Variants in CNOT2 observed in about 807,000 individuals in gnomAD.
CNOT2 encodes CC chemokine receptor 4-negative regulator of transcription 2.
A neutral mutation model predicts 72.1 loss-of-function variants in CNOT2; 7 were observed. The observed-to-expected ratio is 0.10, with a 90% CI of 0.06 to 0.18. The LOEUF is 0.18. Ranked by LOEUF, CNOT2 falls within the 10% of genes least tolerant of loss-of-function variation. The pLI is 1.00. For synonymous variants in CNOT2, 196 were observed against 225.6 expected, an observed-to-expected ratio of 0.87 and a Z score of 1.17; for missense variants, 345 against 660.3, an observed-to-expected ratio of 0.52 and a Z score of 5.23.
At chr12:70,290,985 C>T (rs1394229252) in intron 2 of CNOT2, among the ~76,000 whole-genome samples, 1 of 152,132 alleles carries the variant, frequency 6.6e-6, no homozygotes, top group Non-Finnish European at 1.5e-5. Context: ...GACCATTTCT[C>T]AGCATTTAAG....
Position 70,246,295 on chromosome 12 carries a change from T to C in CNOT2, c.-96+2815T>C, listed in dbSNP as rs1184179459. On this transcript the variant is annotated intron_variant, in intron 1 of 15. Transcript: ENST00000229195. ...TTGAAGGCAAACTAACAATGCCATG[T>C]GCTTGCTTGAATAGGCATTTGAGGA... Among the ~76,000 whole-genome samples the C allele has an allele frequency of 2.0e-5, 3 of 152,302 alleles. No homozygotes were observed. The East Asian group carries it at 5.8e-4, about 29-fold the overall frequency.
At chr12:70,288,420 G>C (rs893185099) in intron 2 of CNOT2, among the ~76,000 whole-genome samples, 1 of 152,038 alleles carries the variant, frequency 6.6e-6, no homozygotes, top group Non-Finnish European at 1.5e-5. Context: ...ACAGTGCTGG[G>C]ATTACAGGCA....
At chr12:70,272,170 T>A (rs1959323864) in intron 1 of CNOT2, among the ~76,000 whole-genome samples, 1 of 152,238 alleles carries the variant, frequency 6.6e-6, no homozygotes, top group Non-Finnish European at 1.5e-5. Context: ...TTTCTTGTGC[T>A]TCATTTATTC....
chr12:70,334,036 T>C (rs1402825391), intron 7 of CNOT2, among the ~76,000 whole-genome samples: 2 of 152,024 alleles, frequency 1.3e-5, no homozygotes, highest in African/African-American at 2.4e-5. Flanking sequence ...GCATATTTTA[T>C]GCTAGGAAAA....
chr12:70,280,011 G>A (rs888335437), intron 2 of CNOT2, among the ~76,000 whole-genome samples: 3 of 152,042 alleles, frequency 2.0e-5, no homozygotes, highest in African/African-American at 4.8e-5. Flanking sequence ...ATAATTGTAC[G>A]TATTTATGGG....
rs779079258 is a variant in CNOT2 at position 70,329,516 on chromosome 12, C to T, written c.332C>T (p.Thr111Met). The change falls in exon 5 of 16, where the codon ACG becomes ATG. Residue 111 changes from threonine to methionine, a missense_variant. By Grantham distance (81) the Thr-to-Met change is moderately conservative. Transcript: ENST00000229195. ...GGCACTCAGTTACCGAGCCACGTCA[C>T]GCCAACAACAGGGGTACCAACAATG... ...SQGTQLPSHV[T>M]PTTGVPTMSL... 5.0e-6 allele frequency: 8 copies of T among 1,611,048 alleles called. No homozygotes were observed. The highest frequency in any genetic ancestry group is 5.9e-6 in the Non-Finnish European group (7 of 1,177,674).
chr12:70,250,579 CTT>C (rs772118368), intron 1 of CNOT2, among the ~76,000 whole-genome samples: 188 of 151,722 alleles, frequency 1.2e-3, no homozygotes, highest in Non-Finnish European at 3.2e-4. Context: ...GTAATGGTAA[CTT>C]AGGAAAAAAT....
In CNOT2 at chr12:70,342,314, G is replaced by A. The variant is rs1010754210; in HGVS notation, c.1290+7G>A. ...CATTCACATTAGGGATAAGGTGAGT[G>A]TAGTTTATTATTCTACTCAGTCAGC... On this transcript the variant is annotated splice_region_variant and intron_variant, in intron 13 of 15. Transcript: ENST00000229195. 40 of 1,612,614 alleles carry A rather than the reference G, an allele frequency of 2.5e-5. No homozygotes were observed. Among genetic ancestry groups the A allele is most frequent in the Non-Finnish European group, 3.0e-5 (35 of 1,179,478 alleles).
chr12:70,301,414 A>G (rs1254584232), intron 2 of CNOT2, among the ~76,000 whole-genome samples: 2 of 152,172 alleles, frequency 1.3e-5, no homozygotes, highest in African/African-American at 4.8e-5. Flanking sequence ...TAATTTATTG[A>G]GAGTTTTTAG....
At chr12:70,346,079 G>A (rs1454663806) in intron 14 of CNOT2, 101 bp from the exon 15 acceptor site, 2 of 690,554 alleles carry the variant, frequency 2.9e-6, no homozygotes, top group African/African-American at 3.7e-5. Context: ...TTTATTTTAT[G>A]TGTAATTTTT....
chr12:70,292,144 CAT>C (rs1872025548), intron 2 of CNOT2, among the ~76,000 whole-genome samples: 1 of 152,154 alleles, frequency 6.6e-6, no homozygotes, highest in Non-Finnish European at 1.5e-5. Flanking sequence ...TGTAATAAGA[CAT>C]ATTAACATCA....
chr12:70,260,853 A>ATTTTTTTTTTTTTTT (rs55908570), intron 1 of CNOT2, among the ~76,000 whole-genome samples: 1 of 135,722 alleles, frequency 7.4e-6, no homozygotes. Context: ...GATGCATTCT[A>ATTTTTTTTTTTTTTT]TTTTTTTTTT....
At chr12:70,257,603 G>A (rs1453946647) in intron 1 of CNOT2, among the ~76,000 whole-genome samples, 2 of 151,492 alleles carry the variant, frequency 1.3e-5, no homozygotes, top group Non-Finnish European at 2.9e-5. Context: ...TCCTGACCTC[G>A]TGAGCCACCT....
intron 2 of CNOT2, among the ~76,000 whole-genome samples, chr12:70,296,004 G>T (rs2135888222): frequency 6.6e-6 from 1 of 152,250 alleles, no homozygotes; most frequent in South Asian, 2.1e-4. Flanking sequence ...TAGAGAATTT[G>T]TAGACTTTGG....
chr12:70,263,279 A>G (rs1452445221), intron 1 of CNOT2, among the ~76,000 whole-genome samples: 1 of 152,022 alleles, frequency 6.6e-6, no homozygotes, highest in Non-Finnish European at 1.5e-5. Flanking sequence ...TTATTTCCTG[A>G]AATATTTTTC....
At chr12:70,252,465 G>T (rs1298518996) in intron 1 of CNOT2, among the ~76,000 whole-genome samples, 1 of 152,122 alleles carries the variant, frequency 6.6e-6, no homozygotes, top group African/African-American at 2.4e-5. Context: ...GGGATTACTG[G>T]CCTAAATTAT....
chr12:70,300,451 T>G (rs1391938810), intron 2 of CNOT2, among the ~76,000 whole-genome samples: 1 of 152,244 alleles, frequency 6.6e-6, no homozygotes, highest in Non-Finnish European at 1.5e-5. Flanking sequence ...TAGCCAGTTT[T>G]CCCAGCACCA....
At chr12:70,243,215 G>A (rs549603770), upstream of CNOT2, 3 of 152,716 alleles carry the variant, frequency 2.0e-5, no homozygotes, top group South Asian at 2.1e-4. Context: ...CTGTGAGTCG[G>A]TGGGAGACAA....
In CNOT2 at chr12:70,338,668, C is replaced by T. The variant is rs374653289; in HGVS notation, c.1024C>T (p.Arg342Trp). 3.7e-6 allele frequency: 6 copies of T among 1,610,614 alleles called. No homozygotes were observed. The highest frequency in any genetic ancestry group is 1.1e-5 in the South Asian group (1 of 90,432). Residue 342 changes from arginine (R) to tryptophan (W), a missense_variant and splice_region_variant, in exon 11 of 16, where the codon CGG becomes TGG. This residue lies in a region of CNOT2 where 128 missense variants were observed against 233.0 expected (regional missense o/e 0.55). Coordinates refer to ENST00000229195, the MANE Select transcript of CNOT2 (RefSeq NM_014515.7). ...GCAACTGTGTTTTTCCTACCCAGGT[C>T]GGGTTACTAACATTCCTCAAGGGAT... ...KKGIQVLPDG[R>W]VTNIPQGMVT...
Sources: allele counts gnomAD v4.1 joint callset (sites outside exome capture counted in the v4.1 genomes callset), GRCh38; gene constraint gnomAD v4.1.1; regional missense constraint gnomAD v4.1.1; transcripts MANE v1.5; gene names NCBI Gene and HGNC (gene_info 2026-07-23, HGNC 2026-07-21).